The following DPYD variants were observed in gnomAD, a reference collection of about 807,000 sequenced individuals.
DPYD encodes dihydropyrimidine dehydrogenase [NADP(+)].
DPYD carries 109 observed loss-of-function variants against 116.2 expected under a neutral mutation model. That is an observed-to-expected ratio of 0.94 (90% confidence interval 0.80 to 1.10). The LOEUF is 1.10. Among genes scored for constraint, DPYD ranks in the 50% least tolerant of loss-of-function variants. DPYD has a pLI of 0.00. For missense variants in DPYD, 1,302 were observed against 1,254.5 expected (o/e 1.04, Z -0.57); for synonymous variants, 440 against 432.0 (o/e 1.02, Z -0.23).
chr1:97,337,485 C>T (rs765379034), intron 16 of DPYD, among the ~76,000 whole-genome samples: 5 of 152,080 alleles, frequency 3.3e-5, no homozygotes, highest in Non-Finnish European at 7.3e-5. Context: ...GCTGGCTCAC[C>T]TCTGTAGTGT....
At chr1:97,256,674 T>C (rs765932693) in intron 18 of DPYD, among the ~76,000 whole-genome samples, 10 of 152,134 alleles carry the variant, frequency 6.6e-5, no homozygotes, top group Non-Finnish European at 1.2e-4. Context: ...TATATCTTTA[T>C]TAGCAGTGTG....
intron 8 of DPYD, among the ~76,000 whole-genome samples, chr1:97,618,249 T>A (rs993002693): frequency 6.6e-6 from 1 of 151,964 alleles, no homozygotes; most frequent in African/African-American, 2.4e-5. Flanking sequence ...TTTTCAATTA[T>A]TTTTTAAGAA....
At chr1:97,165,305 G>T (rs968384268) in intron 20 of DPYD, among the ~76,000 whole-genome samples, 1 of 151,966 alleles carries the variant, frequency 6.6e-6, no homozygotes, top group African/African-American at 2.4e-5. Context: ...CATCAACAAA[G>T]CTGACAAAAA....
rs77198838 is a variant in DPYD at position 97,706,491 on chromosome 1, G to C, written c.484-6944C>G. ...ATCATACACAATAGTTTCTTTCACT[G>C]TCCTAAAAATCTTCTTAATCTCCAT... is the stretch of plus-strand genomic sequence containing the variant. On this transcript the variant is annotated intron_variant, in intron 5 of 22. Transcript: ENST00000370192. 1.2e-3 allele frequency among the ~76,000 whole-genome samples: 184 copies of C among 152,060 alleles called. 1 individual carries two copies. Among genetic ancestry groups the C allele is most frequent in the East Asian group, 4.1e-3 (21 of 5,162 alleles).
chr1:97,118,555 T>C (rs1652164069), intron 20 of DPYD, among the ~76,000 whole-genome samples: 1 of 152,178 alleles, frequency 6.6e-6, no homozygotes, highest in African/African-American at 2.4e-5. Flanking sequence ...TTCAACAATA[T>C]AAGCTGCATT....
chr1:97,171,934 T>C (rs1266958577), intron 20 of DPYD, among the ~76,000 whole-genome samples: 1 of 152,164 alleles, frequency 6.6e-6, no homozygotes, highest in Non-Finnish European at 1.5e-5. Flanking sequence ...ATTGTAATGC[T>C]AACATATGGA....
intron 19 of DPYD, among the ~76,000 whole-genome samples, chr1:97,224,728 T>G (rs1045371580): frequency 1.3e-5 from 2 of 151,938 alleles, no homozygotes; most frequent in Non-Finnish European, 2.9e-5. Context: ...AACTTTTTTT[T>G]TTTTTAGATT....
At chr1:97,128,643 G>A (rs935772538) in intron 20 of DPYD, among the ~76,000 whole-genome samples, 6 of 152,098 alleles carry the variant, frequency 3.9e-5, no homozygotes, top group East Asian at 1.9e-4. Flanking sequence ...TACGGGACTC[G>A]GGGAGGGATT....
intron 13 of DPYD, among the ~76,000 whole-genome samples, chr1:97,479,329 T>C (rs1407814129): frequency 6.6e-6 from 1 of 152,176 alleles, no homozygotes; most frequent in Non-Finnish European, 1.5e-5. Flanking sequence ...AGAACACTGT[T>C]GTATTATTAA....
intron 13 of DPYD, among the ~76,000 whole-genome samples, chr1:97,478,401 C>A (rs1429290261): frequency 6.6e-6 from 1 of 152,176 alleles, no homozygotes; most frequent in Non-Finnish European, 1.5e-5. Context: ...AATTCTCCTG[C>A]CTCAGCCTCC....
chr1:97,811,340 C>T (rs1448401065), intron 3 of DPYD, among the ~76,000 whole-genome samples: 1 of 152,070 alleles, frequency 6.6e-6, no homozygotes, highest in Non-Finnish European at 1.5e-5. Flanking sequence ...CCAGTTTCTA[C>T]TTGTACTTTG....
intron 10 of DPYD, among the ~76,000 whole-genome samples, chr1:97,587,248 C>T (rs916261945): frequency 6.6e-6 from 1 of 152,174 alleles, no homozygotes; most frequent in Admixed American, 6.5e-5. Flanking sequence ...GAGCCCCTAA[C>T]TACTGTTAAT....
chr1:97,637,952 T>C (rs1234516861), intron 8 of DPYD, among the ~76,000 whole-genome samples: 1 of 152,116 alleles, frequency 6.6e-6, no homozygotes, highest in African/African-American at 2.4e-5. Flanking sequence ...TGCAATACGT[T>C]GTGCCCAGCA....
At chr1:97,736,173 A>G (rs1345707535) in intron 4 of DPYD, among the ~76,000 whole-genome samples, 1 of 152,048 alleles carries the variant, frequency 6.6e-6, no homozygotes, top group Non-Finnish European at 1.5e-5. Flanking sequence ...AGATCTTTAA[A>G]ACAGCACCCC....
At chr1:97,790,005 C>A (rs923430400) in intron 3 of DPYD, among the ~76,000 whole-genome samples, 1 of 152,046 alleles carries the variant, frequency 6.6e-6, no homozygotes, top group Non-Finnish European at 1.5e-5. Context: ...AGAGAAAAAC[C>A]GCAAAGCATC....
At chr1:97,695,454 C>A (rs1661242329) in intron 6 of DPYD, among the ~76,000 whole-genome samples, 1 of 149,654 alleles carries the variant, frequency 6.7e-6, no homozygotes, top group Non-Finnish European at 1.5e-5. Flanking sequence ...TTAACATATT[C>A]TATATTTGGT....
intron 14 of DPYD, among the ~76,000 whole-genome samples, chr1:97,389,599 T>A (rs1348313840): frequency 2.0e-5 from 3 of 151,996 alleles, no homozygotes; most frequent in Non-Finnish European, 2.9e-5. Flanking sequence ...GATATGCTCC[T>A]GAAAAGCCAT....
chr1:97,423,544 C>T (rs568200363), intron 14 of DPYD, among the ~76,000 whole-genome samples: 3 of 152,172 alleles, frequency 2.0e-5, no homozygotes, highest in Admixed American at 2.0e-4. Context: ...ACCCTGGTGA[C>T]CCGAATGAGT....
chr1:97,637,498 T>C (rs1023259916), intron 8 of DPYD, among the ~76,000 whole-genome samples: 2 of 150,620 alleles, frequency 1.3e-5, no homozygotes, highest in South Asian at 2.1e-4. Flanking sequence ...AGGAAAAGTT[T>C]TCCCCCCCTC....
Sources: gnomAD v4.1 joint callset for allele counts (sites outside exome capture counted in the v4.1 genomes callset) on GRCh38, gnomAD v4.1.1 for gene constraint, MANE v1.5 for transcripts, NCBI Gene and HGNC (gene_info 2026-07-23, HGNC 2026-07-21) for gene names.